Variants in MCTP1 observed in about 807,000 individuals in gnomAD.
MCTP1 encodes the protein multiple C2 and transmembrane domain containing 1.
In MCTP1, 69 loss-of-function variants were observed where a neutral mutation model predicts 120.6. The ratio of observed to expected loss-of-function variants is 0.57; its 90% CI spans 0.47 to 0.70. The LOEUF (loss-of-function observed/expected upper bound fraction) is 0.70. Ranked by LOEUF, MCTP1 falls within the 30% of genes least tolerant of loss-of-function variation. MCTP1 has a pLI of 0.00. For missense variants in MCTP1, 1,203 were observed against 1,248.8 expected, an observed-to-expected ratio of 0.96 and a Z score of 0.55; for synonymous variants, 529 against 493.1, an observed-to-expected ratio of 1.07 and a Z score of -0.96.
intron 1 of MCTP1, among the ~76,000 whole-genome samples, chr5:95,059,760 G>A (rs1364332538): frequency 6.6e-6 from 1 of 152,164 alleles, no homozygotes; most frequent in Non-Finnish European, 1.5e-5. Context: ...GCAGGGTGGT[G>A]ACAGTGGTCA....
intron 1 of MCTP1, among the ~76,000 whole-genome samples, chr5:95,166,568 ATTTTTTTTTT>A (rs34176318): frequency 8.0e-6 from 1 of 125,126 alleles, no homozygotes; most frequent in Non-Finnish European, 1.6e-5. Flanking sequence ...AATTTTAATC[ATTTTTTTTTT>A]TTTTTTTTGA....
intron 17 of MCTP1, among the ~76,000 whole-genome samples, chr5:94,845,635 C>A (rs1792162174): frequency 6.6e-6 from 1 of 152,156 alleles, no homozygotes; most frequent in Non-Finnish European, 1.5e-5. Flanking sequence ...ACCTCCCCTT[C>A]CTGGGCTCAA....
chr5:94,816,632 T>A (rs902937792), intron 17 of MCTP1, among the ~76,000 whole-genome samples: 1 of 152,114 alleles, frequency 6.6e-6, no homozygotes, highest in African/African-American at 2.4e-5. Flanking sequence ...TTCAATTATA[T>A]GTTTTTATTT....
At chr5:94,791,112 C>CAAA (rs60394333) in intron 18 of MCTP1, among the ~76,000 whole-genome samples, 254 of 99,194 alleles carry the variant, frequency 2.6e-3, no homozygotes, top group Non-Finnish European at 3.0e-3. Flanking sequence ...GTCTCTACTA[C>CAAA]AAAAAAAAAA....
chr5:94,888,164 T>A (rs1174892386), intron 12 of MCTP1, among the ~76,000 whole-genome samples: 1 of 152,178 alleles, frequency 6.6e-6, no homozygotes, highest in East Asian at 1.9e-4. Flanking sequence ...TGAAATTAAA[T>A]CATAAATGAA....
At chr5:94,829,862 A>T (rs1788135472) in intron 17 of MCTP1, among the ~76,000 whole-genome samples, 1 of 152,170 alleles carries the variant, frequency 6.6e-6, no homozygotes, top group Non-Finnish European at 1.5e-5. Context: ...GAGTATTAGC[A>T]ACACACAACT....
chr5:94,719,644 A>G (rs1433498558), intron 19 of MCTP1, among the ~76,000 whole-genome samples: 2 of 152,160 alleles, frequency 1.3e-5, no homozygotes, highest in African/African-American at 4.8e-5. Flanking sequence ...AGGGAGGGGA[A>G]CAAACACTGG....
At chr5:94,871,085 T>A in intron 14 of MCTP1, 112 bp from the exon 15 acceptor site, 1 of 862,822 alleles carries the variant, frequency 1.2e-6, no homozygotes, top group Non-Finnish European at 1.9e-6. Context: ...AAAACAACTG[T>A]GGCAATTCTG....
chr5:95,211,322 T>C (rs1168941583), intron 1 of MCTP1, among the ~76,000 whole-genome samples: 3 of 152,234 alleles, frequency 2.0e-5, no homozygotes, highest in African/African-American at 4.8e-5. Flanking sequence ...CAATCAGACG[T>C]AGATTTGGTC....
At chr5:95,262,321 G>A (rs542040924) in intron 1 of MCTP1, among the ~76,000 whole-genome samples, 18 of 152,144 alleles carry the variant, frequency 1.2e-4, no homozygotes, top group Non-Finnish European at 2.2e-4. Context: ...AGCGTGAAAT[G>A]GCTAACCAAG....
At chr5:95,272,610 A>G (rs1759496408) in intron 1 of MCTP1, among the ~76,000 whole-genome samples, 1 of 152,256 alleles carries the variant, frequency 6.6e-6, no homozygotes, top group South Asian at 2.1e-4. Context: ...CAGATAAATA[A>G]TAGGTATAAA....
intron 1 of MCTP1, among the ~76,000 whole-genome samples, chr5:95,162,086 A>G (rs1745804162): frequency 1.3e-5 from 2 of 152,208 alleles, no homozygotes; most frequent in Non-Finnish European, 2.9e-5. Context: ...GTAATTTGCC[A>G]CTGCTGGTAT....
At chr5:95,086,113 T>TA (rs2152332555) in intron 1 of MCTP1, among the ~76,000 whole-genome samples, 1 of 152,272 alleles carries the variant, frequency 6.6e-6, no homozygotes, top group Admixed American at 6.5e-5. Context: ...GTCAAAAATA[T>TA]AAAAATTAAA....
chr5:95,095,063 G>T (rs1756139013), intron 1 of MCTP1, among the ~76,000 whole-genome samples: 1 of 107,034 alleles, frequency 9.3e-6, no homozygotes, highest in Admixed American at 1.5e-4. Context: ...TCGCTCTGTC[G>T]CCCAGGCTGG....
intron 1 of MCTP1, among the ~76,000 whole-genome samples, chr5:95,029,376 T>TA (rs980491538): frequency 3.3e-5 from 5 of 152,022 alleles, no homozygotes; most frequent in Admixed American, 1.3e-4. Context: ...TCTATTTCTT[T>TA]AAAAAAAGTC....
intron 1 of MCTP1, among the ~76,000 whole-genome samples, chr5:95,188,810 C>T (rs920712193): frequency 3.3e-5 from 5 of 151,968 alleles, no homozygotes; most frequent in African/African-American, 9.7e-5. Flanking sequence ...ACTAAATATA[C>T]ACACACACAC....
At chr5:95,182,060 A>G (rs1237205228) in intron 1 of MCTP1, among the ~76,000 whole-genome samples, 3 of 152,248 alleles carry the variant, frequency 2.0e-5, no homozygotes, top group Non-Finnish European at 4.4e-5. Flanking sequence ...TAAAATGTAA[A>G]TAGAGTTACA....
chr5:95,106,070 T>C (rs949215199), intron 1 of MCTP1, among the ~76,000 whole-genome samples: 3 of 152,180 alleles, frequency 2.0e-5, no homozygotes, highest in African/African-American at 7.2e-5. Flanking sequence ...GCAGCTGCCA[T>C]TCCTTATTTT....
chr5:94,956,578 C>G (rs1463142230), intron 2 of MCTP1, among the ~76,000 whole-genome samples: 2 of 152,028 alleles, frequency 1.3e-5, no homozygotes, highest in Non-Finnish European at 2.9e-5. Context: ...CATAAATGAC[C>G]TGATGGAGCT....
Sources: gnomAD v4.1 joint callset for allele counts (sites outside exome capture counted in the v4.1 genomes callset) on GRCh38, gnomAD v4.1.1 for gene constraint, MANE v1.5 for transcripts, NCBI Gene and HGNC (gene_info 2026-07-23, HGNC 2026-07-21) for gene names.